PDE10A: variants seen among roughly 807,000 people sequenced by gnomAD.
The protein encoded by PDE10A is phosphodiesterase 10A.
In PDE10A, 39 loss-of-function variants were observed where a neutral mutation model predicts 97.7. The observed-to-expected ratio is 0.40, with a 90% confidence interval of 0.31 to 0.52. The LOEUF (loss-of-function observed/expected upper bound fraction) is 0.52. Ranked by LOEUF, PDE10A falls within the 20% of genes least tolerant of loss-of-function variation. The probability of loss-of-function intolerance (pLI) is 0.56; values close to 1 mark genes in which losing one functional copy is unlikely to be tolerated. For synonymous variants in PDE10A, 371 were observed against 376.8 expected (o/e 0.98, Z 0.18); for missense variants, 731 against 1,047.8 (o/e 0.70, Z 4.17).
chr6:165,492,211 T>C (rs1780268652), intron 2 of PDE10A, among the ~76,000 whole-genome samples: 1 of 151,924 alleles, frequency 6.6e-6, no homozygotes, highest in Admixed American at 6.6e-5. Context: ...ATTGAAATGG[T>C]AATTAAAAAG....
At chr6:165,439,809 T>C (rs2128242548) in intron 5 of PDE10A, among the ~76,000 whole-genome samples, 1 of 152,294 alleles carries the variant, frequency 6.6e-6, no homozygotes, top group Non-Finnish European at 1.5e-5. Flanking sequence ...TTTTGGGAAA[T>C]AAATAGATTT....
At chr6:165,715,045 C>T (rs765873722) in intron 1 of PDE10A, among the ~76,000 whole-genome samples, 20 of 152,260 alleles carry the variant, frequency 1.3e-4, no homozygotes, top group Admixed American at 1.3e-3. Context: ...GGGCAGGAAC[C>T]CACGGGCCGC....
intron 1 of PDE10A, among the ~76,000 whole-genome samples, chr6:165,980,765 C>T (rs1020950770): frequency 1.3e-5 from 2 of 152,040 alleles, no homozygotes; most frequent in Non-Finnish European, 2.9e-5. Context: ...AATATACTTG[C>T]ATGTATCTAT....
intron 17 of PDE10A, among the ~76,000 whole-genome samples, chr6:165,387,156 A>C (rs764346228): frequency 2.8e-4 from 42 of 152,236 alleles, no homozygotes; most frequent in Non-Finnish European, 3.8e-4. Context: ...ACCAAACTGA[A>C]CCATGAGCAA....
At chr6:165,776,745 G>A (rs1159564267) in intron 1 of PDE10A, among the ~76,000 whole-genome samples, 1 of 152,150 alleles carries the variant, frequency 6.6e-6, no homozygotes, top group East Asian at 1.9e-4. Flanking sequence ...AAGGAGGTCT[G>A]GTCCTTGACC....
At chr6:165,538,551 T>C (rs557110124) in intron 2 of PDE10A, among the ~76,000 whole-genome samples, 18 of 152,288 alleles carry the variant, frequency 1.2e-4, no homozygotes, top group African/African-American at 4.3e-4. Context: ...TTTTAAATAT[T>C]ATTCTACTAC....
intron 1 of PDE10A, chr6:165,780,570 G>T (rs1241424252): frequency 1.3e-5 from 2 of 152,248 alleles, no homozygotes; most frequent in Non-Finnish European, 2.9e-5. Flanking sequence ...CTGGAAGGCA[G>T]ATTCCTCTCT....
intron 1 of PDE10A, among the ~76,000 whole-genome samples, chr6:165,787,325 C>T (rs1778523550): frequency 6.6e-6 from 1 of 152,154 alleles, no homozygotes; most frequent in Non-Finnish European, 1.5e-5. Context: ...TGTTTTCCAG[C>T]ATGAAGAACT....
intron 10 of PDE10A, among the ~76,000 whole-genome samples, chr6:165,419,027 G>A (rs1177799104): frequency 1.3e-5 from 2 of 152,118 alleles, no homozygotes; most frequent in African/African-American, 2.4e-5. Flanking sequence ...TGCTGTGCTG[G>A]AGGGAAGCAT....
intron 1 of PDE10A, among the ~76,000 whole-genome samples, chr6:165,776,210 G>C (rs1364406345): frequency 6.6e-6 from 1 of 152,154 alleles, no homozygotes; most frequent in Non-Finnish European, 1.5e-5. Context: ...TATAAATCAA[G>C]CAGCTGTTCC....
chr6:165,769,616 GT>G (rs1777951267), intron 1 of PDE10A, among the ~76,000 whole-genome samples: 1 of 152,134 alleles, frequency 6.6e-6, no homozygotes, highest in Non-Finnish European at 1.5e-5. Context: ...ATTGCTAATA[GT>G]TTTTTTCTAC....
chr6:165,648,985 G>T (rs1274745210), intron 1 of PDE10A, among the ~76,000 whole-genome samples: 2 of 151,994 alleles, frequency 1.3e-5, no homozygotes, highest in Admixed American at 1.3e-4. Flanking sequence ...CAGAAAAAGA[G>T]AGCAATCGCC....
chr6:165,500,561 C>A (rs1780809524), intron 2 of PDE10A, among the ~76,000 whole-genome samples: 1 of 129,108 alleles, frequency 7.7e-6, no homozygotes, highest in South Asian at 2.2e-4. Context: ...CCCAGGGACA[C>A]AATACACAGG....
chr6:165,605,042 C>T (rs1050369637), intron 1 of PDE10A, among the ~76,000 whole-genome samples: 1 of 152,188 alleles, frequency 6.6e-6, no homozygotes, highest in Admixed American at 6.5e-5. Flanking sequence ...CCCTTCTTTG[C>T]CTCACTCTTT....
chr6:165,866,872 A>C (rs1781070865), intron 1 of PDE10A, among the ~76,000 whole-genome samples: 1 of 151,968 alleles, frequency 6.6e-6, no homozygotes, highest in Admixed American at 6.6e-5. Flanking sequence ...AAAGAAGTAA[A>C]GTCTTTCTCA....
intron 1 of PDE10A, among the ~76,000 whole-genome samples, chr6:165,904,580 T>C (rs953933509): frequency 1.3e-5 from 2 of 152,216 alleles, no homozygotes; most frequent in African/African-American, 4.8e-5. Flanking sequence ...TTTGGTCAAA[T>C]CCTTCTAAGG....
At chr6:165,440,153 G>A (rs748654683) in intron 5 of PDE10A, among the ~76,000 whole-genome samples, 5 of 152,120 alleles carry the variant, frequency 3.3e-5, no homozygotes, top group East Asian at 1.9e-4. Flanking sequence ...GTAGACGGCC[G>A]TAAGTAAATA....
chr6:165,542,964 A>G (rs1008517602), intron 2 of PDE10A, among the ~76,000 whole-genome samples: 1 of 152,130 alleles, frequency 6.6e-6, no homozygotes, highest in Non-Finnish European at 1.5e-5. Flanking sequence ...CAAATCTTCT[A>G]GAGTCTGAGT....
At chr6:165,514,802 C>G (rs1202410033) in intron 2 of PDE10A, among the ~76,000 whole-genome samples, 2 of 152,298 alleles carry the variant, frequency 1.3e-5, no homozygotes, top group East Asian at 3.9e-4. Context: ...CACCATGATG[C>G]CCACAGTTTT....
Sources: allele counts gnomAD v4.1 joint callset (sites outside exome capture counted in the v4.1 genomes callset), GRCh38; gene constraint gnomAD v4.1.1; transcripts MANE v1.5; gene names NCBI Gene and HGNC (gene_info 2026-07-23, HGNC 2026-07-21).